LDLRAD3: variants seen among roughly 807,000 people sequenced by gnomAD.
LDLRAD3 encodes low-density lipoprotein receptor class A domain-containing protein 3.
A neutral mutation model predicts 29.4 loss-of-function variants in LDLRAD3; 20 were observed. That is an observed-to-expected ratio of 0.68 (90% CI 0.48 to 0.99). The LOEUF (loss-of-function observed/expected upper bound fraction) is 0.99, where lower values mean the gene tolerates loss of function less well. Among genes scored for constraint, LDLRAD3 ranks in the 50% least tolerant of loss-of-function variants. LDLRAD3 has a pLI of 0.00. For synonymous variants in LDLRAD3, 157 were observed against 192.7 expected (o/e 0.81, Z 1.53); for missense variants, 420 against 454.3 (o/e 0.92, Z 0.69).
chr11:36,105,238 T>TGTGTGTGTGTGTGTGTGTGTGTGTGTGA (rs1343780985), intron 4 of LDLRAD3, among the ~76,000 whole-genome samples: 1 of 128,346 alleles, frequency 7.8e-6, no homozygotes, highest in East Asian at 2.5e-4. Flanking sequence ...TGTGTGTGTG[T>TGTGTGTGTGTGTGTGTGTGTGTGTGTGA]GAGAGAGAGA....
intron 4 of LDLRAD3, among the ~76,000 whole-genome samples, chr11:36,153,153 G>A (rs570299739): frequency 5.9e-5 from 9 of 152,002 alleles, no homozygotes; most frequent in African/African-American, 1.9e-4. Flanking sequence ...GGAGGACGCC[G>A]AGAGATGCCC....
intron 4 of LDLRAD3, among the ~76,000 whole-genome samples, chr11:36,142,100 G>T (rs1362771633): frequency 1.3e-5 from 2 of 152,032 alleles, no homozygotes; most frequent in East Asian, 3.9e-4. Context: ...TTCACTTTTG[G>T]GGAAGCCATC....
intron 4 of LDLRAD3, among the ~76,000 whole-genome samples, chr11:36,135,389 A>C (rs1853989217): frequency 6.6e-6 from 1 of 152,136 alleles, no homozygotes; most frequent in African/African-American, 2.4e-5. Flanking sequence ...CTGGCCCCTA[A>C]GCCTTGAGGG....
chr11:36,094,589 G>A (rs749391222), intron 3 of LDLRAD3, among the ~76,000 whole-genome samples: 2 of 152,210 alleles, frequency 1.3e-5, no homozygotes, highest in African/African-American at 4.8e-5. Flanking sequence ...CGGCTGGAGT[G>A]CAGTGGCACG....
intron 2 of LDLRAD3, among the ~76,000 whole-genome samples, chr11:36,040,554 C>CTAT (rs1236390441): frequency 6.6e-5 from 10 of 152,154 alleles, no homozygotes; most frequent in Non-Finnish European, 1.0e-4. Context: ...CATTAACTTG[C>CTAT]TATAATATGG....
chr11:35,983,319 G>T (rs894151592), intron 1 of LDLRAD3, among the ~76,000 whole-genome samples: 32 of 152,146 alleles, frequency 2.1e-4, no homozygotes, highest in African/African-American at 7.0e-4. Flanking sequence ...AATTTTACCT[G>T]TTCCTTTTTA....
chr11:36,110,606 C>G (rs1853592133), intron 4 of LDLRAD3, among the ~76,000 whole-genome samples: 1 of 152,344 alleles, frequency 6.6e-6, no homozygotes, highest in East Asian at 1.9e-4. Context: ...ACCCCCAACA[C>G]CCTTTGACTC....
intron 1 of LDLRAD3, among the ~76,000 whole-genome samples, chr11:35,950,472 A>G (rs1371210456): frequency 6.6e-6 from 1 of 152,104 alleles, no homozygotes; most frequent in Non-Finnish European, 1.5e-5. Flanking sequence ...GCTTTTGGAC[A>G]ATAGCCTTCT....
chr11:36,162,952 A>T (rs929728977), intron 4 of LDLRAD3, among the ~76,000 whole-genome samples: 4 of 152,242 alleles, frequency 2.6e-5, no homozygotes, highest in African/African-American at 9.6e-5. Context: ...TGTGATGTTC[A>T]GCAGGCCAAA....
intron 1 of LDLRAD3, among the ~76,000 whole-genome samples, chr11:36,022,645 T>C (rs1346906306): frequency 6.6e-6 from 1 of 152,134 alleles, no homozygotes; most frequent in Non-Finnish European, 1.5e-5. Context: ...GCTTGGAAAG[T>C]AATGGTAATA....
rs573340244 is a variant in LDLRAD3 at position 36,200,333 on chromosome 11, C to T, written c.455-26752C>T. Among the ~76,000 whole-genome samples, 12 of 152,248 alleles carry T rather than the reference C, an allele frequency of 7.9e-5. No individual in the cohort carries two copies. In the South Asian group the frequency reaches 2.1e-3, roughly 26 times the overall value. On this transcript the variant is annotated intron_variant, in intron 4 of 5. Transcript: ENST00000315571. Reference sequence around the variant, plus strand: ...GCTTTTCATGGCGTCCTCCTCAGCACGCACTCCGGTGTTCCCTCTTCACTG... The same window carrying T: ...GCTTTTCATGGCGTCCTCCTCAGCATGCACTCCGGTGTTCCCTCTTCACTG...
intron 1 of LDLRAD3, among the ~76,000 whole-genome samples, chr11:36,025,674 C>A (rs889272312): frequency 6.6e-6 from 1 of 151,712 alleles, no homozygotes; most frequent in Non-Finnish European, 1.5e-5. Context: ...CAGGTGTGAG[C>A]CACCGCGCCC....
At chr11:36,203,178 C>T (rs1387258495) in intron 4 of LDLRAD3, among the ~76,000 whole-genome samples, 1 of 152,130 alleles carries the variant, frequency 6.6e-6, no homozygotes, top group Non-Finnish European at 1.5e-5. Flanking sequence ...TCATAGTTCA[C>T]CGTGACCTTG....
At chr11:36,138,985 G>T (rs143909123) in intron 4 of LDLRAD3, among the ~76,000 whole-genome samples, 147 of 152,302 alleles carry the variant, frequency 9.7e-4, no homozygotes, top group Non-Finnish European at 3.4e-4. Flanking sequence ...CTTGGCTTAA[G>T]CCAGATAAAT....
intron 4 of LDLRAD3, among the ~76,000 whole-genome samples, chr11:36,142,591 C>G (rs1177367020): frequency 6.6e-6 from 1 of 152,136 alleles, no homozygotes; most frequent in African/African-American, 2.4e-5. Flanking sequence ...TTCCCGCCCC[C>G]GCCTCCTGCA....
intron 1 of LDLRAD3, among the ~76,000 whole-genome samples, chr11:35,994,452 A>G (rs1851727817): frequency 6.6e-6 from 1 of 150,524 alleles, no homozygotes; most frequent in African/African-American, 2.4e-5. Context: ...AAAATACTTT[A>G]TTGCTAGAAA....
chr11:36,152,181 A>G (rs1854287264), intron 4 of LDLRAD3, among the ~76,000 whole-genome samples: 1 of 152,220 alleles, frequency 6.6e-6, no homozygotes, highest in Admixed American at 6.5e-5. Flanking sequence ...TAAAGAATCC[A>G]TAGATGAGTC....
At chr11:35,971,366 A>C (rs907004841) in intron 1 of LDLRAD3, among the ~76,000 whole-genome samples, 3 of 152,230 alleles carry the variant, frequency 2.0e-5, no homozygotes, top group African/African-American at 7.2e-5. Context: ...CCTAACCCTC[A>C]GTACCTCAGA....
chr11:36,010,045 AT>A (rs1851935534), intron 1 of LDLRAD3: 1 of 154,406 alleles, frequency 6.5e-6, no homozygotes, highest in Non-Finnish European at 1.5e-5. Context: ...ACTGAAGAGT[AT>A]AACCTACTTT....
Sources: allele counts gnomAD v4.1 joint callset (sites outside exome capture counted in the v4.1 genomes callset), GRCh38; gene constraint gnomAD v4.1.1; transcripts MANE v1.5; gene names NCBI Gene and HGNC (gene_info 2026-07-23, HGNC 2026-07-21).